The following ACTN1 variants were observed in gnomAD, a reference collection of about 807,000 sequenced individuals.
The protein encoded by ACTN1 is actinin alpha 1.
Under a neutral mutation model 119.6 loss-of-function variants are expected in ACTN1, and 30 were observed. The ratio of observed to expected loss-of-function variants is 0.25; its 90% confidence interval spans 0.19 to 0.34. ACTN1 has a LOEUF of 0.34. Among genes scored for constraint, ACTN1 ranks in the 10% least tolerant of loss-of-function variants. The pLI is 1.00. For missense variants in ACTN1, 764 were observed against 1,223.4 expected, an observed-to-expected ratio of 0.62 and a Z score of 5.60; for synonymous variants, 429 against 472.6, an observed-to-expected ratio of 0.91 and a Z score of 1.20.
chr14:68,979,289 TCTC>T lies in ACTN1; in HGVS notation c.-236_-234del, dbSNP rs1232168668. 1 of 267,806 alleles carries T rather than the reference TCTC, an allele frequency of 3.7e-6. No homozygotes were observed. The highest frequency in any genetic ancestry group is 6.8e-6 in the Non-Finnish European group (1 of 146,750). The allele number at this position is 267,806 out of a possible 1,614,324, so 16.6% of individuals were successfully genotyped here. A position where few individuals can be genotyped will look rare whatever the true frequency, so the allele number is the denominator to read the frequency against. ...CCTCTGGGCGGGCGCTTGGACCTAA[TCTC>T]CACGCACACTGAACTAGGCGGACAC... is the stretch of plus-strand genomic sequence containing the variant. On this transcript the variant is annotated 5_prime_UTR_variant, in exon 1 of 22. Coordinates refer to ENST00000394419, the MANE Select transcript of ACTN1 (RefSeq NM_001130004.2).
intron 14 of ACTN1, among the ~76,000 whole-genome samples, chr14:68,883,800 ATCAAGGT>A (rs1341171854): frequency 6.6e-6 from 1 of 152,036 alleles, no homozygotes; most frequent in African/African-American, 2.4e-5. Context: ...ATAAATAAAA[ATCAAGGT>A]TCAGAATATG....
At chr14:68,961,102 C>G (rs764264456) in intron 1 of ACTN1, among the ~76,000 whole-genome samples, 1 of 152,074 alleles carries the variant, frequency 6.6e-6, no homozygotes. Context: ...CTGTTATACA[C>G]GAGACTTTTA....
rs147301495 is a variant in ACTN1 at position 68,885,757 on chromosome 14, G to A, written c.1235-182C>T. On this transcript the variant is annotated intron_variant, in intron 11 of 21. Coordinates refer to ENST00000394419, the MANE Select transcript of ACTN1 (RefSeq NM_001130004.2). This position sits in a 1 kb window ranked among gnomAD's most constrained non-coding sequence, Gnocchi z 5.6. ...GCAACTAGAACATCCACCAACCGGC[G>A]CAACGGGGAAAAGCACTCTCCTCAG... The A allele has an allele frequency of 2.5e-4, 167 of 671,940 alleles. 2 individuals are homozygous for A. In the Admixed American group the frequency reaches 2.9e-3, roughly 12 times the overall value. The allele number at this position is 671,940 out of a possible 1,614,324, so 41.6% of individuals were successfully genotyped here.
At chr14:68,920,626 A>G (rs1594815857) in intron 3 of ACTN1, among the ~76,000 whole-genome samples, 1 of 152,176 alleles carries the variant, frequency 6.6e-6, no homozygotes, top group African/African-American at 2.4e-5. Flanking sequence ...GGCAGCCTCC[A>G]GCCTCCACCA....
intron 2 of ACTN1, among the ~76,000 whole-genome samples, chr14:68,924,194 G>A (rs1441042140): frequency 3.9e-5 from 6 of 152,182 alleles, no homozygotes; most frequent in African/African-American, 9.7e-5. Context: ...GGACGGTGGC[G>A]ATGGCTGCAC....
rs1041886151 is a variant in ACTN1 at position 68,874,744 on chromosome 14, C to G, written c.*115G>C. The G allele has an allele frequency of 1.8e-6, 2 of 1,125,764 alleles. No individual in the cohort carries two copies. Among genetic ancestry groups the G allele is most frequent in the Non-Finnish European group, 1.2e-6 (1 of 842,812 alleles). The allele number at this position is 1,125,764 out of a possible 1,614,324, so 69.7% of individuals were successfully genotyped here. Reference sequence around the variant, plus strand: ...GGGAGGATCGATGCCACGTGGGCCCCAGCTCACCCGGGTGGAGGCTGGGAG... The same window carrying G: ...GGGAGGATCGATGCCACGTGGGCCCGAGCTCACCCGGGTGGAGGCTGGGAG... On this transcript the variant is annotated 3_prime_UTR_variant, in exon 22 of 22. Coordinates refer to ENST00000394419, the MANE Select transcript of ACTN1 (RefSeq NM_001130004.2).
intron 10 of ACTN1, among the ~76,000 whole-genome samples, chr14:68,891,706 A>G (rs960242163): frequency 6.6e-6 from 1 of 152,246 alleles, no homozygotes; most frequent in Non-Finnish European, 1.5e-5. Flanking sequence ...GTAGAAATCA[A>G]CTTGACTGCG....
chr14:68,922,583 T>G (rs911193240), intron 2 of ACTN1, among the ~76,000 whole-genome samples: 2 of 152,002 alleles, frequency 1.3e-5, no homozygotes, highest in African/African-American at 2.4e-5. Context: ...CTAAGCGGAG[T>G]GCCCCAGCCA....
chr14:68,949,521 C>T (rs553778694), intron 1 of ACTN1, among the ~76,000 whole-genome samples: 1 of 152,192 alleles, frequency 6.6e-6, no homozygotes, highest in Admixed American at 6.5e-5. Flanking sequence ...CTCTGCTGAC[C>T]TGTCAACACT....
At chr14:68,974,736 A>C (rs1054779195) in intron 1 of ACTN1, among the ~76,000 whole-genome samples, 41 of 152,170 alleles carry the variant, frequency 2.7e-4, no homozygotes, top group African/African-American at 9.6e-4. Flanking sequence ...TCATTTCCAC[A>C]CTCTACACAG....
At chr14:68,942,890 G>T (rs1254463793) in intron 1 of ACTN1, among the ~76,000 whole-genome samples, 2 of 152,288 alleles carry the variant, frequency 1.3e-5, no homozygotes. Context: ...ACAGGAGATT[G>T]TAGGATAAAA....
In ACTN1 at chr14:68,880,724, C is replaced by CTGTTCCCTTGGT; in HGVS notation, c.2133+85_2133+86insACCAAGGGAACA. 1 of 1,405,442 alleles carries CTGTTCCCTTGGT rather than the reference C, an allele frequency of 7.1e-7. No individual in the cohort carries two copies. The highest frequency in any genetic ancestry group is 9.9e-7 in the Non-Finnish European group (1 of 1,014,450). 87.1% of individuals were successfully genotyped at this position (1,405,442 alleles called of 1,614,324 possible). A position where few individuals can be genotyped will look rare whatever the true frequency, so the allele number is the denominator to read the frequency against. On this transcript the variant is annotated intron_variant, in intron 17 of 21. Coordinates refer to ENST00000394419, the MANE Select transcript of ACTN1 (RefSeq NM_001130004.2). This position sits in a 1 kb window ranked among gnomAD's most constrained non-coding sequence, Gnocchi z 4.6. ...AGTTAATTTATCCTCCAACTATGAC[C>CTGTTCCCTTGGT]TGTTCCCTTGGAGACTTCCCCACCC...
intron 2 of ACTN1, among the ~76,000 whole-genome samples, chr14:68,922,007 G>C (rs759316370): frequency 1.1e-4 from 16 of 152,140 alleles, no homozygotes; most frequent in Non-Finnish European, 2.4e-4. Flanking sequence ...AGCATCCAGG[G>C]GCCTCCTGAA....
Position 68,878,016 on chromosome 14 carries a change from G to A in ACTN1, c.2427+442C>T, listed in dbSNP as rs530262899. The A allele has an allele frequency of 3.4e-4, 59 of 172,604 alleles. No individual in the cohort carries two copies. Among genetic ancestry groups the A allele is most frequent in the African/African-American group, 1.3e-3 (55 of 41,918 alleles). 10.7% of individuals were successfully genotyped at this position (172,604 alleles called of 1,614,324 possible). On this transcript the variant is annotated intron_variant, in intron 20 of 21. Transcript: ENST00000394419. The surrounding 1 kb of genome is among the most constrained non-coding windows in gnomAD (Gnocchi z 4.4). Reference sequence around the variant, plus strand: ...CAAGGGGGGACAGACTAGGAAGGTTGGGGGGTGGGGGACGGCCTGGGACAA... The same window carrying A: ...CAAGGGGGGACAGACTAGGAAGGTTAGGGGGTGGGGGACGGCCTGGGACAA...
chr14:68,957,428 C>G (rs1319951963), intron 1 of ACTN1, among the ~76,000 whole-genome samples: 2 of 152,210 alleles, frequency 1.3e-5, no homozygotes, highest in African/African-American at 4.8e-5. Context: ...AACAATGACT[C>G]GGCCATCAGG....
At chr14:68,881,999 A>AATC (rs2031577048) in intron 16 of ACTN1, among the ~76,000 whole-genome samples, 1 of 136,368 alleles carries the variant, frequency 7.3e-6, no homozygotes, top group Admixed American at 8.3e-5. Context: ...GCAATGGCGT[A>AATC]ATCTCAGCTC....
intron 6 of ACTN1, among the ~76,000 whole-genome samples, chr14:68,906,320 C>T (rs925291687): frequency 6.6e-6 from 1 of 152,164 alleles, no homozygotes; most frequent in Non-Finnish European, 1.5e-5. Context: ...CTGGCTGGGC[C>T]CTTCTCCTCT....
intron 1 of ACTN1, among the ~76,000 whole-genome samples, chr14:68,949,231 G>A (rs59850538): frequency 0.028 from 4,277 of 152,310 alleles, 207 homozygotes; most frequent in African/African-American, 0.097. Context: ...TGGGCCTCTA[G>A]GTCCCAAAGT....
rs574405717 is a variant in ACTN1, at chr14:68,880,245, G to C, written c.2134-137C>G. 29 of 1,064,998 alleles carry C rather than the reference G, an allele frequency of 2.7e-5. No individual in the cohort carries two copies. The African/African-American group carries it at 3.8e-4, about 14-fold the overall frequency. The allele number at this position is 1,064,998 out of a possible 1,614,324, so 66.0% of individuals were successfully genotyped here. On this transcript the variant is annotated intron_variant, in intron 17 of 21. Transcript: ENST00000394419. This position sits in a 1 kb window ranked among gnomAD's most constrained non-coding sequence, Gnocchi z 4.6. ...CCTTCTGTGTGGCTGAGTGTCACCA[G>C]AGGAAGGGGAACCAGGACAAGGACA...
Sources: gnomAD v4.1 joint callset for allele counts (sites outside exome capture counted in the v4.1 genomes callset) on GRCh38, gnomAD v4.1.1 for gene constraint, Gnocchi (gnomAD v3.1) non-coding constraint, MANE v1.5 for transcripts, NCBI Gene and HGNC (gene_info 2026-07-23, HGNC 2026-07-21) for gene names.